TPST1: variants seen among roughly 807,000 people sequenced by gnomAD.
TPST1 encodes the protein protein-tyrosine sulfotransferase 1.
A neutral mutation model predicts 34.8 loss-of-function variants in TPST1; 20 were observed. The ratio of observed to expected loss-of-function variants is 0.57; its 90% CI spans 0.40 to 0.84. The LOEUF is 0.84. Ranked by LOEUF, TPST1 falls within the 40% of genes least tolerant of loss-of-function variation. The pLI is 0.00. For missense variants in TPST1, 353 were observed against 455.5 expected (o/e 0.78, Z 2.05); for synonymous variants, 152 against 159.4 (o/e 0.95, Z 0.35).
At chr7:66,281,017 G>T (rs1010673016) in intron 2 of TPST1, among the ~76,000 whole-genome samples, 1 of 152,146 alleles carries the variant, frequency 6.6e-6, no homozygotes, top group Non-Finnish European at 1.5e-5. Flanking sequence ...TGCCTAGCTT[G>T]TTGAGAGTTT....
intron 3 of TPST1, among the ~76,000 whole-genome samples, chr7:66,347,252 G>T (rs1043860132): frequency 6.6e-6 from 1 of 151,596 alleles, no homozygotes; most frequent in Non-Finnish European, 1.5e-5. Flanking sequence ...ATTTTGAGTA[G>T]AGACGGGGTT....
At chr7:66,264,789 T>G (rs1482836582) in intron 2 of TPST1, among the ~76,000 whole-genome samples, 4 of 152,046 alleles carry the variant, frequency 2.6e-5, no homozygotes, top group Admixed American at 6.6e-5. Flanking sequence ...AAAAAAGCCA[T>G]GAATAGAAAT....
chr7:66,338,875 G>A (rs1027907960), intron 3 of TPST1, among the ~76,000 whole-genome samples: 31 of 151,888 alleles, frequency 2.0e-4, no homozygotes, highest in African/African-American at 5.3e-4. Context: ...ATAACCTAAC[G>A]ATACACCTCA....
intron 1 of TPST1, among the ~76,000 whole-genome samples, chr7:66,240,110 A>T (rs1584164230): frequency 6.6e-6 from 1 of 151,920 alleles, no homozygotes; most frequent in African/African-American, 2.4e-5. Context: ...GATGGTCTCC[A>T]TCTCCTGACC....
At chr7:66,359,338 A>T (rs1164956006) in intron 5 of TPST1, 1 of 148,020 alleles carries the variant, frequency 6.8e-6, no homozygotes, top group Non-Finnish European at 1.5e-5. Flanking sequence ...ATTTCTTCAC[A>T]TGAGGAATCA....
At chr7:66,234,154 G>A (rs1789856690) in intron 1 of TPST1, among the ~76,000 whole-genome samples, 1 of 152,114 alleles carries the variant, frequency 6.6e-6, no homozygotes. Context: ...CACCATGCCT[G>A]GCCTACTTCC....
At chr7:66,353,980 G>C (rs1266943997) in intron 4 of TPST1, among the ~76,000 whole-genome samples, 2 of 152,176 alleles carry the variant, frequency 1.3e-5, no homozygotes, top group Admixed American at 6.5e-5. Context: ...CATATGACTT[G>C]AGTGTTTCAA....
intron 2 of TPST1, among the ~76,000 whole-genome samples, chr7:66,267,667 C>G (rs1584192263): frequency 6.6e-6 from 1 of 152,050 alleles, no homozygotes. Context: ...AACTATTAAT[C>G]TGAAGCTAGA....
At chr7:66,273,387 A>C (rs1194210007) in intron 2 of TPST1, among the ~76,000 whole-genome samples, 1 of 152,248 alleles carries the variant, frequency 6.6e-6, no homozygotes, top group African/African-American at 2.4e-5. Flanking sequence ...ATCCCTATCA[A>C]AATTTCAATG....
chr7:66,292,874 G>A (rs1791113945), intron 3 of TPST1, among the ~76,000 whole-genome samples: 1 of 151,962 alleles, frequency 6.6e-6, no homozygotes, highest in African/African-American at 2.4e-5. Flanking sequence ...GGCCATCTTG[G>A]CTCCTCCTCC....
chr7:66,258,110 A>G (rs1302312202), intron 2 of TPST1, among the ~76,000 whole-genome samples: 3 of 152,028 alleles, frequency 2.0e-5, no homozygotes, highest in African/African-American at 7.3e-5. Flanking sequence ...ACTGACCTGT[A>G]ATTTTCCCTT....
At chr7:66,317,486 G>A (rs1353519536) in intron 3 of TPST1, among the ~76,000 whole-genome samples, 1 of 152,038 alleles carries the variant, frequency 6.6e-6, no homozygotes, top group Non-Finnish European at 1.5e-5. Context: ...AAATTTGGGA[G>A]CCTATTTAAA....
upstream of TPST1, among the ~76,000 whole-genome samples, chr7:66,200,490 G>T (rs1363882353): frequency 1.2e-5 from 1 of 84,552 alleles, no homozygotes; most frequent in African/African-American, 5.7e-5. Context: ...CGCAATCTCG[G>T]CTCACTGCAA....
chr7:66,319,312 C>T (rs1277093809), intron 3 of TPST1, among the ~76,000 whole-genome samples: 5 of 152,168 alleles, frequency 3.3e-5, no homozygotes, highest in African/African-American at 4.8e-5. Context: ...GTCTGATTCA[C>T]TCATTCTTTC....
intron 1 of TPST1, among the ~76,000 whole-genome samples, chr7:66,213,692 G>C (rs1035684565): frequency 2.0e-5 from 3 of 151,498 alleles, no homozygotes; most frequent in Non-Finnish European, 4.4e-5. Flanking sequence ...TGCAGTGAGC[G>C]GAGATCGTGC....
chr7:66,208,420 TC>T (rs1328355509), intron 1 of TPST1, among the ~76,000 whole-genome samples: 3 of 152,128 alleles, frequency 2.0e-5, no homozygotes, highest in Non-Finnish European at 4.4e-5. Flanking sequence ...TCTTTGTGTT[TC>T]CACAGCACCC....
chr7:66,243,043 T>C (rs1302479106), intron 2 of TPST1, among the ~76,000 whole-genome samples: 1 of 152,178 alleles, frequency 6.6e-6, no homozygotes, highest in African/African-American at 2.4e-5. Context: ...GGGGCTATTA[T>C]GGATCAAAGT....
chr7:66,282,737 T>C (rs1313007958), intron 2 of TPST1, among the ~76,000 whole-genome samples: 1 of 152,200 alleles, frequency 6.6e-6, no homozygotes, highest in Admixed American at 6.5e-5. Flanking sequence ...AGAGTTTCAA[T>C]GTGGAATGTT....
At chr7:66,269,112 A>G (rs779157390) in intron 2 of TPST1, among the ~76,000 whole-genome samples, 1 of 152,222 alleles carries the variant, frequency 6.6e-6, no homozygotes, top group Non-Finnish European at 1.5e-5. Context: ...ATTAGCACCA[A>G]AGAGATTAAA....
Sources: gnomAD v4.1 joint callset for allele counts (sites outside exome capture counted in the v4.1 genomes callset) on GRCh38, gnomAD v4.1.1 for gene constraint, MANE v1.5 for transcripts, NCBI Gene and HGNC (gene_info 2026-07-23, HGNC 2026-07-21) for gene names.